DCDC1: variants seen among roughly 807,000 people sequenced by gnomAD.
The protein encoded by DCDC1 is doublecortin domain containing 1, also known as doublecortin domain-containing protein 1.
A neutral mutation model predicts 178.3 loss-of-function variants in DCDC1; 200 were observed. That is an observed-to-expected ratio of 1.12 (90% CI 1.00 to 1.26). The LOEUF (loss-of-function observed/expected upper bound fraction) is 1.26, where lower values mean the gene tolerates loss of function less well. DCDC1 is among the 50% of genes most tolerant of loss of function. DCDC1 has a pLI of 0.00. For synonymous variants in DCDC1, 690 were observed against 604.8 expected (o/e 1.14, Z -2.07); for missense variants, 1,983 against 1,749.2 (o/e 1.13, Z -2.38).
In DCDC1 at chr11:30,864,909, C is replaced by T. The variant is rs1274374960; in HGVS notation, c.*464G>A. ...ATTGTCTCATTTTTCAATGTTCATTCTTCAAAATAGGCCCATTGAAAAAAC... is the reference window on the plus strand; with the variant it reads ...ATTGTCTCATTTTTCAATGTTCATTTTTCAAAATAGGCCCATTGAAAAAAC... On this transcript the variant is annotated 3_prime_UTR_variant, in exon 39 of 39. Coordinates refer to ENST00000684477, the MANE Select transcript of DCDC1 (RefSeq NM_001387274.1). 1 of 152,188 alleles carries T rather than the reference C, an allele frequency of 6.6e-6. No homozygotes were observed. Among genetic ancestry groups the T allele is most frequent in the Non-Finnish European group, 1.5e-5 (1 of 68,026 alleles). The allele number at this position is 152,188 out of a possible 1,614,324, so 9.4% of individuals were successfully genotyped here.
At chr11:31,034,159 A>AAG (rs1270725887) in intron 20 of DCDC1, among the ~76,000 whole-genome samples, 1 of 151,560 alleles carries the variant, frequency 6.6e-6, no homozygotes, top group Admixed American at 6.6e-5. Context: ...AAAAAAAAAA[A>AAG]ACCTTTAAAA....
intron 20 of DCDC1, among the ~76,000 whole-genome samples, chr11:30,962,801 G>C (rs1397647974): frequency 6.6e-6 from 1 of 151,912 alleles, no homozygotes; most frequent in African/African-American, 2.4e-5. Flanking sequence ...TTTAGATTCT[G>C]GATACATAGG....
chr11:31,239,330 C>CCACT (rs1305314771), intron 9 of DCDC1, among the ~76,000 whole-genome samples: 1 of 151,780 alleles, frequency 6.6e-6, no homozygotes, highest in Non-Finnish European at 1.5e-5. Flanking sequence ...CTAGGAAATC[C>CCACT]CACTCACAAA....
chr11:30,942,602 C>A (rs2134399214), intron 21 of DCDC1, among the ~76,000 whole-genome samples: 1 of 152,266 alleles, frequency 6.6e-6, no homozygotes, highest in South Asian at 2.1e-4. Context: ...TTCAATATCC[C>A]AAGTATGCTA....
chr11:31,215,514 G>C (rs1326430939), intron 9 of DCDC1, among the ~76,000 whole-genome samples: 2 of 152,078 alleles, frequency 1.3e-5, no homozygotes, highest in East Asian at 1.9e-4. Flanking sequence ...GAGGCAGCAG[G>C]CCTGGCGCGG....
chr11:30,931,697 C>T, intron 22 of DCDC1, 74 bp downstream of exon 22: 2 of 1,396,222 alleles, frequency 1.4e-6, no homozygotes, highest in Non-Finnish European at 1.9e-6. Context: ...CACAGAAAAA[C>T]ATCCATAATT....
intron 1 of DCDC1, among the ~76,000 whole-genome samples, 197 bp from the exon 2 acceptor site, chr11:31,335,761 C>T (rs1950241746): frequency 6.6e-6 from 1 of 152,098 alleles, no homozygotes; most frequent in Non-Finnish European, 1.5e-5. Flanking sequence ...GCTGGGGACC[C>T]CTGATCTACA....
At chr11:31,198,449 T>G (rs1970939789) in intron 9 of DCDC1, among the ~76,000 whole-genome samples, 1 of 151,994 alleles carries the variant, frequency 6.6e-6, no homozygotes, top group Non-Finnish European at 1.5e-5. Flanking sequence ...AAGTACCCCT[T>G]TGCACACTTT....
chr11:31,110,924 T>G (rs2135801680), intron 11 of DCDC1, among the ~76,000 whole-genome samples: 1 of 152,264 alleles, frequency 6.6e-6, no homozygotes, highest in Admixed American at 6.5e-5. Context: ...ATCCAAAAAG[T>G]TGTTGAGAAC....
intron 15 of DCDC1, among the ~76,000 whole-genome samples, chr11:31,095,254 G>A (rs1958075944): frequency 6.6e-6 from 1 of 152,062 alleles, no homozygotes; most frequent in Admixed American, 6.6e-5. Context: ...ACATACATGT[G>A]CATGTTTCTT....
chr11:30,946,148 T>G (rs532501519), intron 21 of DCDC1, among the ~76,000 whole-genome samples: 3 of 152,286 alleles, frequency 2.0e-5, no homozygotes, highest in African/African-American at 7.2e-5. Flanking sequence ...GTACTTGTGA[T>G]GTCCTGGATT....
intron 22 of DCDC1, among the ~76,000 whole-genome samples, chr11:30,926,161 A>C (rs1446485683): frequency 2.6e-5 from 4 of 152,202 alleles, no homozygotes; most frequent in Non-Finnish European, 4.4e-5. Flanking sequence ...ACAGAGGGGA[A>C]AACAATTTTT....
intron 9 of DCDC1, among the ~76,000 whole-genome samples, chr11:31,212,741 T>C (rs1330400195): frequency 1.3e-5 from 2 of 152,266 alleles, no homozygotes; most frequent in South Asian, 2.1e-4. Context: ...TTAGGAAATA[T>C]CTGGGGAAAA....
At chr11:31,242,065 A>G (rs1406559501) in intron 8 of DCDC1, among the ~76,000 whole-genome samples, 1 of 151,952 alleles carries the variant, frequency 6.6e-6, no homozygotes, top group Non-Finnish European at 1.5e-5. Flanking sequence ...CATAAAATAT[A>G]ATCCACACCT....
At position 31,039,692 on chromosome 11, in the gene DCDC1, G is replaced by A. The variant is rs77606698; in HGVS notation, c.2591+24777C>T. 7.2e-3 allele frequency among the ~76,000 whole-genome samples: 1,096 copies of A among 152,132 alleles called. 5 individuals carry two copies. The highest frequency in any genetic ancestry group is 9.8e-3 in the Non-Finnish European group (668 of 67,978). On this transcript the variant is annotated intron_variant, in intron 20 of 38. Transcript: ENST00000684477. ...AACAAAAAACATCAGAAAGGTTCAA[G>A]AATGATATGATATTCACAAGGATAA...
At chr11:31,194,808 T>C (rs759326676) in intron 9 of DCDC1, among the ~76,000 whole-genome samples, 3 of 152,154 alleles carry the variant, frequency 2.0e-5, no homozygotes, top group Non-Finnish European at 4.4e-5. Flanking sequence ...TTAATTGGTA[T>C]GTCAAAAGTT....
chr11:30,925,753 G>A (rs1354694293), intron 22 of DCDC1, among the ~76,000 whole-genome samples: 1 of 152,138 alleles, frequency 6.6e-6, no homozygotes, highest in African/African-American at 2.4e-5. Context: ...TCCTTGGTAT[G>A]CCCCACACTT....
chr11:31,315,936 G>A (rs1273980673), intron 3 of DCDC1, among the ~76,000 whole-genome samples: 2 of 113,650 alleles, frequency 1.8e-5, no homozygotes, highest in African/African-American at 4.2e-5. Context: ...ATAGTTTACT[G>A]AGAATGATGG....
chr11:31,295,558 A>G (rs1947626693), intron 6 of DCDC1, among the ~76,000 whole-genome samples: 1 of 152,170 alleles, frequency 6.6e-6, no homozygotes, highest in South Asian at 2.1e-4. Flanking sequence ...CCGACAGCCA[A>G]TGATTGACTG....
Sources: gnomAD v4.1 joint callset for allele counts (sites outside exome capture counted in the v4.1 genomes callset) on GRCh38, gnomAD v4.1.1 for gene constraint, MANE v1.5 for transcripts, NCBI Gene and HGNC (gene_info 2026-07-23, HGNC 2026-07-21) for gene names.